Variants in RORA observed in about 807,000 individuals in gnomAD.
RORA encodes the protein nuclear receptor ROR-alpha.
In RORA, 7 loss-of-function variants were observed where a neutral mutation model predicts 69.5. That is an observed-to-expected ratio of 0.10 (90% CI 0.06 to 0.19). The LOEUF (loss-of-function observed/expected upper bound fraction) is 0.19, where lower values mean the gene tolerates loss of function less well. RORA is among the 10% of genes least tolerant of loss of function. RORA has a pLI of 1.00. For missense variants in RORA, 457 were observed against 663.0 expected (o/e 0.69, Z 3.41); for synonymous variants, 261 against 240.8 (o/e 1.08, Z -0.78).
chr15:61,002,157 G>A (rs1355279744), intron 1 of RORA, among the ~76,000 whole-genome samples: 4 of 152,242 alleles, frequency 2.6e-5, no homozygotes, highest in Non-Finnish European at 5.9e-5. Context: ...CCTGCATCTA[G>A]GAAGGAGGAC....
At chr15:61,100,651 C>T (rs977156442) in intron 1 of RORA, among the ~76,000 whole-genome samples, 2 of 152,114 alleles carry the variant, frequency 1.3e-5, no homozygotes, top group African/African-American at 4.8e-5. Context: ...CATGGGGCTG[C>T]ACTCCCCCTA....
chr15:61,015,272 G>A (rs1447800971), intron 1 of RORA, among the ~76,000 whole-genome samples: 1 of 152,032 alleles, frequency 6.6e-6, no homozygotes, highest in Non-Finnish European at 1.5e-5. Flanking sequence ...ATTTGGGGAG[G>A]GACTTTCCTG....
intron 1 of RORA, among the ~76,000 whole-genome samples, chr15:61,130,504 A>G (rs1239294588): frequency 1.3e-5 from 2 of 152,236 alleles, no homozygotes; most frequent in African/African-American, 4.8e-5. Flanking sequence ...ATGTTTTGGC[A>G]GGAAGGTCTG....
At chr15:60,996,410 C>A (rs1164093769) in intron 1 of RORA, among the ~76,000 whole-genome samples, 1 of 152,128 alleles carries the variant, frequency 6.6e-6, no homozygotes, top group Non-Finnish European at 1.5e-5. Context: ...TGGGTATATA[C>A]GATTGTCAAA....
At chr15:60,798,080 A>G (rs2072523146) in intron 1 of RORA, among the ~76,000 whole-genome samples, 1 of 152,092 alleles carries the variant, frequency 6.6e-6, no homozygotes, top group South Asian at 2.1e-4. Flanking sequence ...GGAGACACAT[A>G]TTTCAAAAGT....
chr15:60,944,085 T>C (rs1892789694), intron 1 of RORA, among the ~76,000 whole-genome samples: 1 of 152,080 alleles, frequency 6.6e-6, no homozygotes, highest in African/African-American at 2.4e-5. Context: ...ATCACACATA[T>C]GCTCTCATAT....
rs537047429 is a variant in RORA at position 60,537,307 on chromosome 15, A to C, written c.197-5456T>G. Reference sequence around the variant, plus strand: ...CCAGTGCGGCCTAGCTGAGGGGTCAAAAGTAGAGGTTGAAATGCACCTGGC... The same window carrying C: ...CCAGTGCGGCCTAGCTGAGGGGTCACAAGTAGAGGTTGAAATGCACCTGGC... On this transcript the variant is annotated intron_variant, in intron 2 of 10. Transcript: ENST00000335670. The surrounding 1 kb of genome is among the most constrained non-coding windows in gnomAD (Gnocchi z 4.9). Among the ~76,000 whole-genome samples the C allele has an allele frequency of 6.6e-6, 1 of 152,324 alleles. No homozygotes were observed. The highest frequency in any genetic ancestry group is 1.9e-4 in the East Asian group (1 of 5,186).
chr15:61,003,832 T>G (rs953141715), intron 1 of RORA, among the ~76,000 whole-genome samples: 1 of 152,130 alleles, frequency 6.6e-6, no homozygotes, highest in Non-Finnish European at 1.5e-5. Context: ...CAGCCGTAGC[T>G]AACAAGGCCT....
At chr15:61,040,113 G>GAT (rs60830259) in intron 1 of RORA, among the ~76,000 whole-genome samples, 1,656 of 45,864 alleles carry the variant, frequency 0.036, 35 homozygotes, top group Non-Finnish European at 0.045. Flanking sequence ...CACAAGCTTT[G>GAT]ATATATATAT....
intron 1 of RORA, among the ~76,000 whole-genome samples, chr15:60,969,672 C>T (rs955295161): frequency 1.8e-4 from 28 of 152,128 alleles, no homozygotes; most frequent in African/African-American, 6.8e-4. Flanking sequence ...CATCCTATCC[C>T]TCTCTACACA....
chr15:61,068,484 C>T (rs745494583), intron 1 of RORA, among the ~76,000 whole-genome samples: 5 of 152,158 alleles, frequency 3.3e-5, no homozygotes, highest in Non-Finnish European at 5.9e-5. Context: ...ATGTCAATTG[C>T]ATTTATTTGT....
chr15:60,602,270 C>T (rs556188236), intron 2 of RORA, among the ~76,000 whole-genome samples: 5 of 152,136 alleles, frequency 3.3e-5, no homozygotes, highest in South Asian at 2.1e-4. Context: ...TCCAAGGACA[C>T]GAACAGTTAA....
At chr15:61,030,349 T>C (rs10851690) in intron 1 of RORA, among the ~76,000 whole-genome samples, 25,296 of 152,176 alleles carry the variant, frequency 0.17, 3,098 homozygotes, top group East Asian at 0.51. Flanking sequence ...GAGAATATCC[T>C]TGTATACAGG....
At chr15:60,841,079 A>G (rs1263079635) in intron 1 of RORA, 2 of 984,990 alleles carry the variant, frequency 2.0e-6, no homozygotes, top group Non-Finnish European at 2.4e-6. Flanking sequence ...CCAAATGTTG[A>G]CTGACTCCCC....
At chr15:61,184,693 G>C (rs1287499258) in intron 1 of RORA, among the ~76,000 whole-genome samples, 1 of 152,122 alleles carries the variant, frequency 6.6e-6, no homozygotes, top group Non-Finnish European at 1.5e-5. Flanking sequence ...GGACTGTTAG[G>C]AGACTGTTAG....
At chr15:61,206,740 A>G (rs1240529906) in intron 1 of RORA, among the ~76,000 whole-genome samples, 1 of 152,196 alleles carries the variant, frequency 6.6e-6, no homozygotes, top group African/African-American at 2.4e-5. Flanking sequence ...GCCCGGCAGC[A>G]CACAGCCCTC....
chr15:60,888,607 G>A (rs933275937), intron 1 of RORA, among the ~76,000 whole-genome samples: 8 of 152,176 alleles, frequency 5.3e-5, no homozygotes, highest in African/African-American at 1.4e-4. Context: ...AACAGCAGCC[G>A]TCTGGCCCGC....
intron 1 of RORA, among the ~76,000 whole-genome samples, chr15:60,894,714 T>C (rs1567228667): frequency 6.6e-6 from 1 of 152,226 alleles, no homozygotes; most frequent in Non-Finnish European, 1.5e-5. Flanking sequence ...AGAATATGCA[T>C]TTCTAGCCCG....
At position 60,905,734 on chromosome 15, in the gene RORA, G is replaced by A. The variant is rs1461969925; in HGVS notation, c.167-227048C>T. Among the ~76,000 whole-genome samples, 1 of 152,198 alleles carries A rather than the reference G, an allele frequency of 6.6e-6. No homozygotes were observed. Among genetic ancestry groups the A allele is most frequent in the Non-Finnish European group, 1.5e-5 (1 of 68,034 alleles). ...GCTTCTGTTTAAGAGATCCAAGCAA[G>A]TAGGGTCACCTGTGCTGAGCAGGTT... On this transcript the variant is annotated intron_variant, in intron 1 of 10. Coordinates refer to ENST00000335670, the MANE Select transcript of RORA (RefSeq NM_134261.3). The surrounding 1 kb of genome is among the most constrained non-coding windows in gnomAD (Gnocchi z 4.8).
Sources: gnomAD v4.1 joint callset for allele counts (sites outside exome capture counted in the v4.1 genomes callset) on GRCh38, gnomAD v4.1.1 for gene constraint, Gnocchi (gnomAD v3.1) non-coding constraint, MANE v1.5 for transcripts, NCBI Gene and HGNC (gene_info 2026-07-23, HGNC 2026-07-21) for gene names.